The following PRKCE variants were observed in gnomAD, a reference collection of about 807,000 sequenced individuals.
PRKCE encodes protein kinase C epsilon.
A neutral mutation model predicts 85.4 loss-of-function variants in PRKCE; 16 were observed. That is an observed-to-expected ratio of 0.19 (90% CI 0.13 to 0.28). The LOEUF (loss-of-function observed/expected upper bound fraction) is 0.28. Among genes scored for constraint, PRKCE ranks in the 10% least tolerant of loss-of-function variants. The pLI is 1.00. For synonymous variants in PRKCE, 388 were observed against 371.5 expected (o/e 1.04, Z -0.51); for missense variants, 573 against 975.2 (o/e 0.59, Z 5.49).
rs749060776 is a variant in PRKCE, at chr2:46,015,691, C to CAA, written c.1437+5195_1437+5196dup. The stretch of plus-strand genomic sequence containing the variant: ...ACTCTGAAGAACAGAAACACTAAAC[C>CAA]AAAAAAAAAAAAAAAAAAAAAACGA... On this transcript the variant is annotated intron_variant, in intron 10 of 14. Transcript: ENST00000306156. 5.6e-3 allele frequency among the ~76,000 whole-genome samples: 455 copies of CAA among 80,708 alleles called. 4 individuals are homozygous for CAA. The highest frequency in any genetic ancestry group is 0.012 in the African/African-American group (266 of 21,906). 52.9% of individuals were successfully genotyped at this position (80,708 alleles called of 152,430 possible). A position where few individuals can be genotyped will look rare whatever the true frequency, so the allele number is the denominator to read the frequency against.
At chr2:46,057,834 C>T (rs1236123363) in intron 10 of PRKCE, among the ~76,000 whole-genome samples, 1 of 152,190 alleles carries the variant, frequency 6.6e-6, no homozygotes, top group Non-Finnish European at 1.5e-5. Flanking sequence ...CTGTCTCCCT[C>T]ACCAAGCTGT....
At chr2:45,787,264 A>C (rs1558670586) in intron 1 of PRKCE, among the ~76,000 whole-genome samples, 1 of 152,248 alleles carries the variant, frequency 6.6e-6, no homozygotes, top group African/African-American at 2.4e-5. Flanking sequence ...CAGGAACTCA[A>C]TGATCACACC....
intron 10 of PRKCE, among the ~76,000 whole-genome samples, chr2:46,021,173 A>G (rs921181254): frequency 2.0e-5 from 3 of 152,166 alleles, no homozygotes; most frequent in African/African-American, 7.2e-5. Flanking sequence ...GAGTGTAATG[A>G]TGAGTCCTGC....
intron 1 of PRKCE, among the ~76,000 whole-genome samples, chr2:45,828,580 ATT>A (rs1251772540): frequency 6.6e-6 from 1 of 152,176 alleles, no homozygotes; most frequent in East Asian, 1.9e-4. Context: ...ATTTAAAATA[ATT>A]TGTCTCATTT....
In PRKCE at chr2:46,056,537, C is replaced by T. The variant is rs75086219; in HGVS notation, c.1438-29671C>T. On this transcript the variant is annotated intron_variant, in intron 10 of 14. Coordinates refer to ENST00000306156, the MANE Select transcript of PRKCE (RefSeq NM_005400.3). ...ATCTTTTCTTTCTTAAAAGGTATTG[C>T]GTTGATTAAGATAAAAATTGTCAGC... is the stretch of plus-strand genomic sequence containing the variant. Among the ~76,000 whole-genome samples the T allele has an allele frequency of 6.8e-4, 103 of 152,274 alleles. 1 individual carries two copies. In the East Asian group the frequency reaches 0.015, roughly 23 times the overall value.
chr2:45,682,603 T>G (rs2103953734), intron 1 of PRKCE, among the ~76,000 whole-genome samples: 1 of 152,272 alleles, frequency 6.6e-6, no homozygotes, highest in East Asian at 1.9e-4. Flanking sequence ...ATTTTCTTTT[T>G]GAGATGGAGT....
intron 1 of PRKCE, among the ~76,000 whole-genome samples, chr2:45,707,564 C>T (rs1171827829): frequency 6.6e-6 from 1 of 152,172 alleles, no homozygotes; most frequent in South Asian, 2.1e-4. Context: ...GTGACTTGCT[C>T]TTGCCCCTGT....
chr2:46,104,201 C>G (rs2104121323), intron 11 of PRKCE, among the ~76,000 whole-genome samples: 1 of 152,138 alleles, frequency 6.6e-6, no homozygotes, highest in East Asian at 1.9e-4. Context: ...AAGCCTTCGT[C>G]TCCATCAAGT....
chr2:46,086,451 G>A lies in PRKCE; in HGVS notation c.1592+89G>A, dbSNP rs61758306. 4.8e-4 allele frequency: 700 copies of A among 1,446,174 alleles called. 4 individuals are homozygous for A. The African/African-American group carries it at 8.5e-3, about 18-fold the overall frequency. 89.6% of individuals were successfully genotyped at this position (1,446,174 alleles called of 1,614,324 possible). Reference sequence around the variant, plus strand: ...AACTGACTTCAGCTCCTGCCCACTCGTCTCTTAGCAACCTGCTTTAGATTA... The same window carrying A: ...AACTGACTTCAGCTCCTGCCCACTCATCTCTTAGCAACCTGCTTTAGATTA... On this transcript the variant is annotated intron_variant, in intron 11 of 14. Coordinates refer to ENST00000306156, the MANE Select transcript of PRKCE (RefSeq NM_005400.3).
At chr2:45,684,746 C>G (rs913192417) in intron 1 of PRKCE, among the ~76,000 whole-genome samples, 12 of 152,120 alleles carry the variant, frequency 7.9e-5, no homozygotes, top group African/African-American at 2.7e-4. Context: ...GGGGCTGGGT[C>G]TGCCAGAGGT....
intron 2 of PRKCE, among the ~76,000 whole-genome samples, chr2:45,899,992 C>G (rs974866870): frequency 1.8e-4 from 27 of 152,164 alleles, no homozygotes; most frequent in African/African-American, 6.3e-4. Flanking sequence ...TGCTTGTGAC[C>G]TCTGACTATA....
chr2:46,040,542 G>A (rs1410967062), intron 10 of PRKCE, among the ~76,000 whole-genome samples: 1 of 152,134 alleles, frequency 6.6e-6, no homozygotes, highest in African/African-American at 2.4e-5. Context: ...TCTGGGGAAG[G>A]GTTGAGAGCC....
intron 1 of PRKCE, among the ~76,000 whole-genome samples, chr2:45,766,303 AC>A (rs1684905030): frequency 6.6e-6 from 1 of 152,158 alleles, no homozygotes; most frequent in Non-Finnish European, 1.5e-5. Flanking sequence ...ATGTTCTATT[AC>A]CTTTTTTGGT....
chr2:46,133,378 A>G (rs1674649800), intron 11 of PRKCE, among the ~76,000 whole-genome samples: 1 of 152,154 alleles, frequency 6.6e-6, no homozygotes, highest in African/African-American at 2.4e-5. Context: ...AGAACTTGCC[A>G]TCCTAGTACT....
intron 1 of PRKCE, among the ~76,000 whole-genome samples, chr2:45,723,256 T>G (rs1317888664): frequency 6.6e-6 from 1 of 152,172 alleles, no homozygotes. Flanking sequence ...TTGTAGAAAA[T>G]GCCGTGACTC....
rs74523466 is a variant in PRKCE at position 45,966,537 on chromosome 2, T to G, written c.413-9892T>G. Among the ~76,000 whole-genome samples the G allele has an allele frequency of 6.7e-3, 1,023 of 152,310 alleles. 10 individuals are homozygous for G. The highest frequency in any genetic ancestry group is 0.024 in the Middle Eastern group (7 of 294). On this transcript the variant is annotated intron_variant, in intron 2 of 14. Coordinates refer to ENST00000306156, the MANE Select transcript of PRKCE (RefSeq NM_005400.3). ...GACCAAAATACCAGGATAGTTGAAT[T>G]GTTTTCTTTGTGTTGTAAAATTACC...
chr2:45,864,630 A>G (rs1693436551), intron 2 of PRKCE, among the ~76,000 whole-genome samples: 1 of 152,242 alleles, frequency 6.6e-6, no homozygotes. Context: ...TATAGGGAGC[A>G]TAGGATTTAT....
At chr2:45,666,312 T>C (rs145397599) in intron 1 of PRKCE, among the ~76,000 whole-genome samples, 5 of 152,042 alleles carry the variant, frequency 3.3e-5, no homozygotes, top group Non-Finnish European at 7.4e-5. Context: ...GTGGGGATCA[T>C]GGCACTAAAT....
chr2:45,744,281 G>GT (rs1299729552), intron 1 of PRKCE, among the ~76,000 whole-genome samples: 1 of 152,168 alleles, frequency 6.6e-6, no homozygotes, highest in African/African-American at 2.4e-5. Context: ...ATCAAGTAGA[G>GT]TGTGTGTAGG....
Sources: gnomAD v4.1 joint callset for allele counts (sites outside exome capture counted in the v4.1 genomes callset) on GRCh38, gnomAD v4.1.1 for gene constraint, MANE v1.5 for transcripts, NCBI Gene and HGNC (gene_info 2026-07-23, HGNC 2026-07-21) for gene names.